CNTN5: variants seen among roughly 807,000 people sequenced by gnomAD.
The protein encoded by CNTN5 is contactin 5.
Under a neutral mutation model 129.1 loss-of-function variants are expected in CNTN5, and 77 were observed. That is an observed-to-expected ratio of 0.60 (90% CI 0.50 to 0.72). CNTN5 has a LOEUF of 0.72. CNTN5 is among the 30% of genes least tolerant of loss of function. The pLI, the probability that CNTN5 is intolerant of heterozygous loss-of-function variation, is 0.00. For synonymous variants in CNTN5, 509 were observed against 465.6 expected, an observed-to-expected ratio of 1.09 and a Z score of -1.20; for missense variants, 1,478 against 1,328.8, an observed-to-expected ratio of 1.11 and a Z score of -1.75.
At chr11:100,011,133 G>C (rs868700540) in intron 9 of CNTN5, among the ~76,000 whole-genome samples, 33 of 152,110 alleles carry the variant, frequency 2.2e-4, no homozygotes, top group African/African-American at 7.7e-4. Context: ...TGGCCAGACA[G>C]ATGTCTCCAG....
At chr11:99,957,051 T>C (rs888584011) in intron 8 of CNTN5, 42 bp downstream of exon 8, 1 of 1,555,214 alleles carries the variant, frequency 6.4e-7, no homozygotes, top group Admixed American at 1.8e-5. Flanking sequence ...CAACTCTAAT[T>C]TGGAAAATAA....
rs774797660 is a variant in CNTN5, at chr11:99,382,844, A to AGTTTTTTTTTTTT, written c.-71+57360_-71+57361insGTTTTTTTTTTTT. Among the ~76,000 whole-genome samples the AGTTTTTTTTTTTT allele has an allele frequency of 1.6e-4, 11 of 69,392 alleles. 1 individual carries two copies. Among genetic ancestry groups the AGTTTTTTTTTTTT allele is most frequent in the Non-Finnish European group, 2.4e-4 (10 of 42,142 alleles). 45.5% of individuals were successfully genotyped at this position (69,392 alleles called of 152,430 possible). ...CACATCTCACTAGTGTCTCTAAATAACTTTTTTTTTTTTTTTTTTTTTTTT... is the reference window on the plus strand; with the variant it reads ...CACATCTCACTAGTGTCTCTAAATAAGTTTTTTTTTTTTCTTTTTTTTTTTTTTTTTTTTTTTT... On this transcript the variant is annotated intron_variant, in intron 2 of 24. Transcript: ENST00000524871.
chr11:99,967,880 A>C (rs777868621), intron 8 of CNTN5, among the ~76,000 whole-genome samples: 48 of 151,788 alleles, frequency 3.2e-4, no homozygotes, highest in Admixed American at 6.6e-5. Flanking sequence ...ACTTTCTAAA[A>C]ACTTATTTTT....
At chr11:99,921,059 C>T (rs1386083648) in intron 7 of CNTN5, among the ~76,000 whole-genome samples, 2 of 152,128 alleles carry the variant, frequency 1.3e-5, no homozygotes, top group African/African-American at 4.8e-5. Flanking sequence ...AGAAAGCCCT[C>T]ATCAGAAACC....
chr11:100,337,076 C>T, intron 21 of CNTN5: 1 of 1,296,718 alleles, frequency 7.7e-7, no homozygotes, highest in Non-Finnish European at 1.1e-6. Flanking sequence ...TCACAAATCA[C>T]TCTTGTAGGG....
At chr11:100,217,469 T>C (rs1428316914) in intron 15 of CNTN5, among the ~76,000 whole-genome samples, 1 of 152,256 alleles carries the variant, frequency 6.6e-6, no homozygotes, top group African/African-American at 2.4e-5. Context: ...CCATAAAATG[T>C]ATAGCTACTG....
chr11:99,872,656 T>C (rs1481666124), intron 6 of CNTN5, among the ~76,000 whole-genome samples: 1 of 152,250 alleles, frequency 6.6e-6, no homozygotes, highest in East Asian at 1.9e-4. Flanking sequence ...AGCCGGACTT[T>C]CTGGTGGAAA....
At chr11:99,669,101 GA>G in intron 3 of CNTN5, among the ~76,000 whole-genome samples, 1 of 152,218 alleles carries the variant, frequency 6.6e-6, no homozygotes, top group African/African-American at 2.4e-5. Context: ...TAGTTTTGCA[GA>G]GCATCTTCAG....
At chr11:100,039,589 G>A (rs546337504) in intron 9 of CNTN5, among the ~76,000 whole-genome samples, 8 of 152,240 alleles carry the variant, frequency 5.3e-5, no homozygotes, top group South Asian at 2.1e-4. Flanking sequence ...CATTCTCCCC[G>A]TCACTTTCAG....
At position 99,471,148 on chromosome 11, in the gene CNTN5, C is replaced by T. The variant is rs528579841; in HGVS notation, c.-70-84997C>T. Reference sequence around the variant, plus strand: ...ACATTTTATATTTAAAGTAATGTTGCTAAAAAAAAAAACAAATTTTCTAAT... The same window carrying T: ...ACATTTTATATTTAAAGTAATGTTGTTAAAAAAAAAAACAAATTTTCTAAT... On this transcript the variant is annotated intron_variant, in intron 2 of 24. Coordinates refer to ENST00000524871, the MANE Select transcript of CNTN5 (RefSeq NM_014361.4). 7.4e-3 allele frequency among the ~76,000 whole-genome samples: 516 copies of T among 69,940 alleles called. 3 individuals are homozygous for T. Among genetic ancestry groups the T allele is most frequent in the African/African-American group, 0.03 (497 of 16,522 alleles). 45.9% of individuals were successfully genotyped at this position (69,940 alleles called of 152,430 possible).
chr11:99,918,152 T>C (rs998307446), intron 7 of CNTN5, among the ~76,000 whole-genome samples: 39 of 152,162 alleles, frequency 2.6e-4, no homozygotes, highest in Admixed American at 2.6e-3. Flanking sequence ...CCTCCTTTGA[T>C]TCTTACTTTT....
chr11:99,557,301 A>T (rs891946805), intron 3 of CNTN5, among the ~76,000 whole-genome samples: 3 of 151,300 alleles, frequency 2.0e-5, no homozygotes, highest in African/African-American at 7.2e-5. Context: ...CAAGATATGT[A>T]TTTATGATCA....
intron 6 of CNTN5, among the ~76,000 whole-genome samples, chr11:99,877,601 A>C (rs1252598562): frequency 1.2e-5 from 1 of 81,512 alleles, no homozygotes; most frequent in African/African-American, 4.5e-5. Context: ...TTTCTTCATA[A>C]TCTTTAGTTT....
intron 8 of CNTN5, among the ~76,000 whole-genome samples, chr11:99,985,476 G>C (rs925794071): frequency 1.3e-5 from 2 of 152,218 alleles, no homozygotes; most frequent in African/African-American, 4.8e-5. Context: ...ATAGGCACAG[G>C]ATGATGGGTA....
chr11:99,466,091 C>A (rs1455078382), intron 2 of CNTN5, among the ~76,000 whole-genome samples: 1 of 152,014 alleles, frequency 6.6e-6, no homozygotes, highest in Non-Finnish European at 1.5e-5. Flanking sequence ...ACCGTGTTAG[C>A]CAGGATGGCC....
chr11:100,134,540 ATTTC>A (rs1235479087), intron 13 of CNTN5, among the ~76,000 whole-genome samples: 7 of 152,084 alleles, frequency 4.6e-5, no homozygotes, highest in African/African-American at 1.7e-4. Context: ...TATTCCATGT[ATTTC>A]TTTATCAATC....
intron 6 of CNTN5, among the ~76,000 whole-genome samples, chr11:99,910,716 G>A (rs1009337150): frequency 6.6e-6 from 1 of 152,106 alleles, no homozygotes; most frequent in Non-Finnish European, 1.5e-5. Flanking sequence ...GCCTGGCATA[G>A]AGTAGGTATG....
chr11:99,363,472 C>T (rs1025414813), intron 2 of CNTN5, among the ~76,000 whole-genome samples: 2 of 152,056 alleles, frequency 1.3e-5, no homozygotes, highest in African/African-American at 4.8e-5. Context: ...ATGTGTGTTG[C>T]TGCAGGAGTG....
chr11:100,321,559 GCTCT>G (rs1411914358), intron 21 of CNTN5, among the ~76,000 whole-genome samples: 1 of 151,996 alleles, frequency 6.6e-6, no homozygotes, highest in Non-Finnish European at 1.5e-5. Flanking sequence ...TTGTGTATTT[GCTCT>G]GGCTAGGACT....
Sources: gnomAD v4.1 joint callset for allele counts (sites outside exome capture counted in the v4.1 genomes callset) on GRCh38, gnomAD v4.1.1 for gene constraint, MANE v1.5 for transcripts, NCBI Gene and HGNC (gene_info 2026-07-23, HGNC 2026-07-21) for gene names.